Variants in CCDC178 observed in about 807,000 individuals in gnomAD.
The protein encoded by CCDC178 is coiled-coil domain-containing protein 178.
CCDC178 carries 126 observed loss-of-function variants against 117.4 expected under a neutral mutation model. The observed-to-expected ratio is 1.07, with a 90% confidence interval of 0.93 to 1.24. The LOEUF (loss-of-function observed/expected upper bound fraction) is 1.24. Among genes scored for constraint, CCDC178 ranks in the 50% most tolerant of loss-of-function variants. The pLI is 0.00. For synonymous variants in CCDC178, 283 were observed against 313.4 expected, an observed-to-expected ratio of 0.90 and a Z score of 1.02; for missense variants, 1,030 against 986.9, an observed-to-expected ratio of 1.04 and a Z score of -0.59.
intron 21 of CCDC178, among the ~76,000 whole-genome samples, chr18:33,029,671 T>C (rs1187683319): frequency 6.6e-6 from 1 of 152,006 alleles, no homozygotes; most frequent in Non-Finnish European, 1.5e-5. Flanking sequence ...TAACTACATC[T>C]CACAAGTTTT....
chr18:32,959,964 T>G (rs528698904), intron 22 of CCDC178, among the ~76,000 whole-genome samples: 135 of 152,112 alleles, frequency 8.9e-4, no homozygotes, highest in African/African-American at 3.2e-3. Context: ...ATAAAAGTGA[T>G]CAGAAATAAG....
At chr18:33,278,210 C>T (rs2059974179) in intron 12 of CCDC178, among the ~76,000 whole-genome samples, 1 of 146,704 alleles carries the variant, frequency 6.8e-6, no homozygotes, top group Admixed American at 6.9e-5. Context: ...CATGACTTTC[C>T]AATGATCCTA....
intron 11 of CCDC178, among the ~76,000 whole-genome samples, chr18:33,317,830 A>T (rs922730554): frequency 1.8e-4 from 27 of 151,296 alleles, no homozygotes; most frequent in East Asian, 2.0e-4. Context: ...ACCTGTGATT[A>T]AAAAAAAAGT....
chr18:33,157,323 T>C (rs760624580), intron 20 of CCDC178, among the ~76,000 whole-genome samples: 9 of 152,146 alleles, frequency 5.9e-5, no homozygotes, highest in Non-Finnish European at 1.3e-4. Flanking sequence ...ATTACATTGC[T>C]TGCATTTAGG....
intron 12 of CCDC178, among the ~76,000 whole-genome samples, chr18:33,283,678 C>T (rs9962832): frequency 6.6e-6 from 1 of 151,984 alleles, no homozygotes; most frequent in South Asian, 2.1e-4. Flanking sequence ...CTGATCATTA[C>T]AAAAATGCAA....
intron 20 of CCDC178, among the ~76,000 whole-genome samples, chr18:33,147,448 T>TGGA (rs1422610376): frequency 6.8e-6 from 1 of 146,514 alleles, no homozygotes; most frequent in Non-Finnish European, 1.5e-5. Flanking sequence ...AGGACAATAG[T>TGGA]GGAGGGAAGG....
chr18:33,269,479 A>C (rs2059860321), intron 12 of CCDC178, among the ~76,000 whole-genome samples: 1 of 151,854 alleles, frequency 6.6e-6, no homozygotes. Context: ...GAAAGCAGGA[A>C]ACAACAACAA....
At chr18:33,292,463 A>G (rs2060179560) in intron 12 of CCDC178, among the ~76,000 whole-genome samples, 1 of 152,112 alleles carries the variant, frequency 6.6e-6, no homozygotes, top group South Asian at 2.1e-4. Flanking sequence ...GATAAGAGAT[A>G]AAAAATTATA....
At chr18:33,207,473 G>A (rs2059057729) in intron 20 of CCDC178, among the ~76,000 whole-genome samples, 1 of 150,982 alleles carries the variant, frequency 6.6e-6, no homozygotes, top group South Asian at 2.1e-4. Flanking sequence ...GTGGGGTAAG[G>A]CATTGCAAAA....
rs1475979255 is a variant in CCDC178 at position 33,362,979 on chromosome 18, A to G, written c.349-6633T>C. Among the ~76,000 whole-genome samples the G allele has an allele frequency of 7.2e-5, 11 of 152,116 alleles. No homozygotes were observed. The East Asian group carries it at 1.9e-3, about 27-fold the overall frequency. On this transcript the variant is annotated intron_variant, in intron 6 of 22. Transcript: ENST00000383096. ...AGTAAATTACAAATTTTAATTATAAATGTGTCAATACTGGTTCATTAATTA... is the reference window on the plus strand; with the variant it reads ...AGTAAATTACAAATTTTAATTATAAGTGTGTCAATACTGGTTCATTAATTA...
chr18:33,269,036 G>C (rs1488127491), intron 12 of CCDC178, among the ~76,000 whole-genome samples: 1 of 151,792 alleles, frequency 6.6e-6, no homozygotes, highest in Non-Finnish European at 1.5e-5. Flanking sequence ...AATCAGGCTA[G>C]AATGCATTCA....
intron 12 of CCDC178, among the ~76,000 whole-genome samples, chr18:33,290,738 T>C (rs1485719707): frequency 6.6e-6 from 1 of 151,860 alleles, no homozygotes; most frequent in Non-Finnish European, 1.5e-5. Flanking sequence ...AGCCATGGAG[T>C]GTTCAGGTGA....
chr18:33,011,767 C>CAAAAAAAAAAAAAAAAA (rs71177899), intron 21 of CCDC178, among the ~76,000 whole-genome samples: 4 of 30,014 alleles, frequency 1.3e-4, no homozygotes, highest in Admixed American at 3.9e-4. Context: ...GAGCAGAATG[C>CAAAAAAAAAAAAAAAAA]AAAAAAAAAA....
intron 22 of CCDC178, among the ~76,000 whole-genome samples, chr18:32,939,574 C>G (rs1416018931): frequency 6.6e-6 from 1 of 152,010 alleles, no homozygotes; most frequent in Non-Finnish European, 1.5e-5. Flanking sequence ...GAAAGAGAAC[C>G]ATGTTTTAGT....
intron 21 of CCDC178, among the ~76,000 whole-genome samples, chr18:33,045,381 C>T (rs1301143479): frequency 6.6e-6 from 1 of 152,034 alleles, no homozygotes; most frequent in Non-Finnish European, 1.5e-5. Flanking sequence ...CATAGCCATA[C>T]TTGTGTGTCT....
intron 21 of CCDC178, among the ~76,000 whole-genome samples, chr18:32,992,123 T>C (rs2055407242): frequency 1.3e-5 from 2 of 152,324 alleles, no homozygotes; most frequent in African/African-American, 2.4e-5. Context: ...CATGTTAGTA[T>C]AAGCGCTGTA....
chr18:33,152,195 C>T (rs538201917), intron 20 of CCDC178, among the ~76,000 whole-genome samples: 13 of 151,848 alleles, frequency 8.6e-5, no homozygotes, highest in South Asian at 8.3e-4. Context: ...AGTGGCTAGG[C>T]GACAAATGGA....
intron 21 of CCDC178, among the ~76,000 whole-genome samples, chr18:33,055,615 C>T (rs372057917): frequency 2.0e-5 from 3 of 152,116 alleles, no homozygotes; most frequent in African/African-American, 7.2e-5. Context: ...AGGTTTGAGC[C>T]ACCATGCCCA....
At chr18:33,249,000 C>T (rs1257427459) in intron 14 of CCDC178, among the ~76,000 whole-genome samples, 3 of 152,122 alleles carry the variant, frequency 2.0e-5, no homozygotes, top group Admixed American at 1.3e-4. Context: ...TTTTGATTTG[C>T]ATTTCTCTGA....
Sources: gnomAD v4.1 joint callset for allele counts (sites outside exome capture counted in the v4.1 genomes callset) on GRCh38, gnomAD v4.1.1 for gene constraint, MANE v1.5 for transcripts, NCBI Gene and HGNC (gene_info 2026-07-23, HGNC 2026-07-21) for gene names.